ZFHX3: variants seen among roughly 807,000 people sequenced by gnomAD.
ZFHX3 encodes the protein zinc finger homeobox 3.
Under a neutral mutation model 279.1 loss-of-function variants are expected in ZFHX3, and 42 were observed. The ratio of observed to expected loss-of-function variants is 0.15; its 90% CI spans 0.12 to 0.19. ZFHX3 has a LOEUF of 0.19. Ranked by LOEUF, ZFHX3 falls within the 10% of genes least tolerant of loss-of-function variation. ZFHX3 has a pLI of 1.00. For synonymous variants in ZFHX3, 2,293 were observed against 1,957.8 expected (o/e 1.17, Z -4.52); for missense variants, 4,981 against 4,754.0 (o/e 1.05, Z -1.40).
chr16:73,617,708 C>T (rs1057458714), intron 2 of ZFHX3, among the ~76,000 whole-genome samples: 2 of 80,896 alleles, frequency 2.5e-5, no homozygotes, highest in African/African-American at 1.7e-4. Context: ...CTGAGGAAAC[C>T]TTGATAGGCA....
intron 3 of ZFHX3, among the ~76,000 whole-genome samples, chr16:72,944,317 G>A (rs763637715): frequency 1.1e-3 from 161 of 152,256 alleles, no homozygotes; most frequent in Admixed American, 1.6e-3. Context: ...TGAAACCACA[G>A]CATGTGTCTA....
intron 7 of ZFHX3, among the ~76,000 whole-genome samples, chr16:73,104,525 C>T (rs1457503472): frequency 6.6e-6 from 1 of 152,150 alleles, no homozygotes; most frequent in Non-Finnish European, 1.5e-5. Context: ...CCACCATGCC[C>T]AGCCTCCTGT....
intron 3 of ZFHX3, among the ~76,000 whole-genome samples, chr16:72,917,973 AG>A (rs763732648): frequency 7.9e-5 from 12 of 152,182 alleles, no homozygotes; most frequent in Non-Finnish European, 1.5e-4. Context: ...AACACGATGA[AG>A]AAAAACAGCA....
intron 5 of ZFHX3, among the ~76,000 whole-genome samples, chr16:73,165,669 C>T (rs1055162121): frequency 2.0e-5 from 3 of 152,118 alleles, no homozygotes; most frequent in African/African-American, 7.2e-5. Context: ...TTCTCCCTAC[C>T]CCTCCCCACC....
At chr16:73,191,125 A>G (rs1238492057) in intron 5 of ZFHX3, among the ~76,000 whole-genome samples, 1 of 152,138 alleles carries the variant, frequency 6.6e-6, no homozygotes, top group East Asian at 1.9e-4. Flanking sequence ...CCCCTCCTGC[A>G]GGAGCTGTTT....
At chr16:72,906,289 T>C (rs867262719) in intron 3 of ZFHX3, among the ~76,000 whole-genome samples, 4 of 151,542 alleles carry the variant, frequency 2.6e-5, no homozygotes, top group African/African-American at 9.7e-5. Context: ...GGCCAAAACA[T>C]CCCCTGCTTA....
chr16:73,580,486 A>T (rs1251837279), intron 2 of ZFHX3, among the ~76,000 whole-genome samples: 1 of 126,100 alleles, frequency 7.9e-6, no homozygotes, highest in Non-Finnish European at 1.7e-5. Context: ...CAAAAAAACA[A>T]AAACAAAAAC....
chr16:73,025,403 G>A (rs1964461887), intron 1 of ZFHX3, among the ~76,000 whole-genome samples: 2 of 152,186 alleles, frequency 1.3e-5, no homozygotes, highest in African/African-American at 4.8e-5. Context: ...TCAAGTGTCA[G>A]CAAGTAAATT....
chr16:73,185,021 A>T (rs1219651095), intron 5 of ZFHX3, among the ~76,000 whole-genome samples: 1 of 149,928 alleles, frequency 6.7e-6, no homozygotes, highest in African/African-American at 2.5e-5. Flanking sequence ...TCAGTCACCC[A>T]GGCTGGAGTG....
intron 4 of ZFHX3, among the ~76,000 whole-genome samples, chr16:73,305,737 C>G (rs927989364): frequency 6.6e-6 from 1 of 152,036 alleles, no homozygotes; most frequent in African/African-American, 2.4e-5. Flanking sequence ...ATATCCATTA[C>G]GGTGGGCGAG....
chr16:72,938,857 C>CA (rs1357892084), intron 3 of ZFHX3, among the ~76,000 whole-genome samples: 7 of 150,322 alleles, frequency 4.7e-5, no homozygotes, highest in Middle Eastern at 3.2e-3. Flanking sequence ...CCAGTCTGGG[C>CA]AAAAAAAAAT....
At chr16:73,281,928 T>C (rs2014467962) in intron 4 of ZFHX3, among the ~76,000 whole-genome samples, 1 of 152,084 alleles carries the variant, frequency 6.6e-6, no homozygotes, top group African/African-American at 2.4e-5. Context: ...GACATGGAGA[T>C]ACCAAGTTTA....
At chr16:73,160,134 T>G (rs1342334586) in intron 5 of ZFHX3, among the ~76,000 whole-genome samples, 3 of 152,230 alleles carry the variant, frequency 2.0e-5, no homozygotes, top group African/African-American at 7.2e-5. Context: ...TTAGCTGTTA[T>G]GCAATGGCAG....
intron 1 of ZFHX3, among the ~76,000 whole-genome samples, chr16:72,998,332 CAG>C (rs1429664869): frequency 6.6e-6 from 1 of 152,018 alleles, no homozygotes; most frequent in Admixed American, 6.6e-5. Flanking sequence ...ATCCAGGAGG[CAG>C]AGTTTGTAGT....
At chr16:73,446,732 G>A (rs1000754824) in intron 3 of ZFHX3, among the ~76,000 whole-genome samples, 7 of 152,064 alleles carry the variant, frequency 4.6e-5, no homozygotes, top group Non-Finnish European at 8.8e-5. Flanking sequence ...GGGGCCTACC[G>A]GAGAGTAGTG....
At chr16:73,483,105 C>T (rs1304448481) in intron 2 of ZFHX3, among the ~76,000 whole-genome samples, 1 of 152,188 alleles carries the variant, frequency 6.6e-6, no homozygotes, top group Non-Finnish European at 1.5e-5. Flanking sequence ...AGTGAAACAT[C>T]CCCTCCTCTG....
chr16:73,403,626 G>C (rs953326527), intron 3 of ZFHX3, among the ~76,000 whole-genome samples: 4 of 152,146 alleles, frequency 2.6e-5, no homozygotes, highest in African/African-American at 9.7e-5. Context: ...CAAAAGTACC[G>C]TGGAGTTGAA....
intron 5 of ZFHX3, among the ~76,000 whole-genome samples, chr16:73,183,224 A>G (rs66667380): frequency 0.23 from 35,319 of 151,922 alleles, 4,871 homozygotes; most frequent in Non-Finnish European, 0.32. Context: ...AAAAAAAATT[A>G]CCTCTTAGGT....
At chr16:73,847,766 C>A (rs1961485197) in intron 1 of ZFHX3, among the ~76,000 whole-genome samples, 1 of 152,022 alleles carries the variant, frequency 6.6e-6, no homozygotes, top group African/African-American at 2.4e-5. Flanking sequence ...GAGATGGAGT[C>A]TCCCTCTATT....
Sources: gnomAD v4.1 joint callset for allele counts (sites outside exome capture counted in the v4.1 genomes callset) on GRCh38, gnomAD v4.1.1 for gene constraint, MANE v1.5 for transcripts, NCBI Gene and HGNC (gene_info 2026-07-23, HGNC 2026-07-21) for gene names.